Variants in SPRR2G observed in about 807,000 individuals in gnomAD.
SPRR2G encodes the protein small proline-rich protein 2G.
A neutral mutation model predicts 0.7 loss-of-function variants in SPRR2G; 1 was observed. The observed-to-expected ratio is 1.49, with a 90% confidence interval of 0.53 to 7.06. The LOEUF is 7.06. Ranked by LOEUF, SPRR2G falls within the 30% of genes most tolerant of loss-of-function variation. The pLI is 0.14. For synonymous variants in SPRR2G, 38 were observed against 33.9 expected (o/e 1.12, Z -0.42); for missense variants, 96 against 88.5 (o/e 1.09, Z -0.34).
chr1:153,184,078 A>T, the SPRR2G span, among the ~76,000 whole-genome samples: 11 of 152,060 alleles, frequency 7.2e-5, no homozygotes, highest in Non-Finnish European at 1.5e-4. Context: ...ATTGGTCTAT[A>T]TATCTGTTTT....
upstream of SPRR2G, among the ~76,000 whole-genome samples, chr1:153,152,876 T>C (rs144428820): frequency 1.3e-5 from 2 of 152,332 alleles, no homozygotes; most frequent in Non-Finnish European, 2.9e-5. Flanking sequence ...CAATAAATTA[T>C]TTGGTTTATC....
At chr1:153,196,501 A>T in the SPRR2G span, among the ~76,000 whole-genome samples, 1 of 152,208 alleles carries the variant, frequency 6.6e-6, no homozygotes, top group African/African-American at 2.4e-5. Flanking sequence ...CTAAAGTTTG[A>T]TTAGATAAAG....
the SPRR2G span, among the ~76,000 whole-genome samples, chr1:153,200,518 A>G: frequency 6.6e-6 from 1 of 152,196 alleles, no homozygotes; most frequent in African/African-American, 2.4e-5. Context: ...AGGCACTGTA[A>G]TGGATGAGGG....
chr1:153,175,442 G>A, the SPRR2G span, among the ~76,000 whole-genome samples: 3 of 152,254 alleles, frequency 2.0e-5, no homozygotes, highest in South Asian at 6.2e-4. Flanking sequence ...TGGCTTAACA[G>A]GCCCTGGTCT....
chr1:153,171,030 T>C, the SPRR2G span, among the ~76,000 whole-genome samples: 2 of 152,196 alleles, frequency 1.3e-5, no homozygotes, highest in African/African-American at 4.8e-5. Context: ...TGACATCACA[T>C]GGGAGGGTCA....
chr1:153,169,502 G>A, the SPRR2G span, among the ~76,000 whole-genome samples: 28 of 150,764 alleles, frequency 1.9e-4, no homozygotes, highest in African/African-American at 6.3e-4. Context: ...GGAGGCAGAG[G>A]TTGCAGTGTG....
In SPRR2G at chr1:153,150,876, G is replaced by A. The variant is rs898848215; in HGVS notation, c.-46C>T. 1 of 152,578 alleles carries A rather than the reference G, an allele frequency of 6.6e-6. No homozygotes were observed. Among genetic ancestry groups the A allele is most frequent in the Admixed American group, 6.5e-5 (1 of 15,316 alleles). 9.5% of individuals were successfully genotyped at this position (152,578 alleles called of 1,614,324 possible). A position where few individuals can be genotyped will look rare whatever the true frequency, so the allele number is the denominator to read the frequency against. On this transcript the variant is annotated 5_prime_UTR_variant, in exon 1 of 2. Transcript: ENST00000368748. Reference sequence around the variant, plus strand: ...CCAGAGTCTTCAAAGATCTACAACTGAATGGCAAGAAGATAGCATCAGTGT... The same window carrying A: ...CCAGAGTCTTCAAAGATCTACAACTAAATGGCAAGAAGATAGCATCAGTGT...
chr1:153,172,614 T>A, the SPRR2G span, among the ~76,000 whole-genome samples: 1 of 152,160 alleles, frequency 6.6e-6, no homozygotes, highest in South Asian at 2.1e-4. Flanking sequence ...AACTGGAGTT[T>A]CCGGTACAAA....
chr1:153,171,503 C>T, the SPRR2G span, among the ~76,000 whole-genome samples: 2 of 152,156 alleles, frequency 1.3e-5, no homozygotes, highest in African/African-American at 4.8e-5. Flanking sequence ...CCTTTCAGTA[C>T]CTGAATCTCC....
chr1:153,171,379 A>C, the SPRR2G span, among the ~76,000 whole-genome samples: 1 of 152,174 alleles, frequency 6.6e-6, no homozygotes, highest in East Asian at 1.9e-4. Context: ...AGATTCTTGG[A>C]CTACAGGAGC....
the SPRR2G span, among the ~76,000 whole-genome samples, chr1:153,186,337 G>C: frequency 1.3e-5 from 2 of 152,154 alleles, no homozygotes. Context: ...CACTATTATT[G>C]TGTGAGAGTC....
chr1:153,179,124 C>T, the SPRR2G span, among the ~76,000 whole-genome samples: 1 of 152,150 alleles, frequency 6.6e-6, no homozygotes, highest in Non-Finnish European at 1.5e-5. Flanking sequence ...CTGTCATAGG[C>T]TGAAGCTGTA....
At chr1:153,193,263 C>A in the SPRR2G span, among the ~76,000 whole-genome samples, 1 of 152,170 alleles carries the variant, frequency 6.6e-6, no homozygotes, top group Non-Finnish European at 1.5e-5. Context: ...GACCCACTCA[C>A]CCCCACCGAT....
chr1:153,201,636 C>G, the SPRR2G span, among the ~76,000 whole-genome samples: 1 of 152,198 alleles, frequency 6.6e-6, no homozygotes, highest in Admixed American at 6.5e-5. Context: ...ATGACTCTAT[C>G]GCCAATTATT....
At chr1:153,186,213 G>A in the SPRR2G span, among the ~76,000 whole-genome samples, 8 of 152,198 alleles carry the variant, frequency 5.3e-5, no homozygotes, top group Non-Finnish European at 8.8e-5. Flanking sequence ...GAAGAGTTCT[G>A]TAGATGTCTA....
the SPRR2G span, among the ~76,000 whole-genome samples, chr1:153,197,851 G>A: frequency 3.3e-5 from 5 of 152,136 alleles, no homozygotes; most frequent in South Asian, 2.1e-4. Context: ...AAGCAATTGC[G>A]AAACCATTGA....
At chr1:153,180,581 G>A in the SPRR2G span, among the ~76,000 whole-genome samples, 6 of 152,104 alleles carry the variant, frequency 3.9e-5, no homozygotes, top group Non-Finnish European at 7.4e-5. Flanking sequence ...GAATATTTAC[G>A]TATTTGTCCT....
chr1:153,187,903 T>G, the SPRR2G span, among the ~76,000 whole-genome samples: 1 of 152,164 alleles, frequency 6.6e-6, no homozygotes, highest in Non-Finnish European at 1.5e-5. Flanking sequence ...GTGTCCTTTT[T>G]GTTGATGTTG....
At chr1:153,183,068 CT>C in the SPRR2G span, among the ~76,000 whole-genome samples, 361 of 138,782 alleles carry the variant, frequency 2.6e-3, 2 homozygotes, top group African/African-American at 5.1e-3. Flanking sequence ...CTTTTTTTTT[CT>C]TTTTTTTTTT....
Sources: gnomAD v4.1 joint callset for allele counts (sites outside exome capture counted in the v4.1 genomes callset) on GRCh38, gnomAD v4.1.1 for gene constraint, MANE v1.5 for transcripts, NCBI Gene and HGNC (gene_info 2026-07-23, HGNC 2026-07-21) for gene names.